The following MVB12B variants were observed in gnomAD, a reference collection of about 807,000 sequenced individuals.
The protein encoded by MVB12B is ESCRT-I complex subunit MVB12B.
A neutral mutation model predicts 41.6 loss-of-function variants in MVB12B; 16 were observed. The ratio of observed to expected loss-of-function variants is 0.38; its 90% CI spans 0.26 to 0.58. The LOEUF is 0.58. MVB12B is among the 20% of genes least tolerant of loss of function. The pLI, the probability that MVB12B is intolerant of heterozygous loss-of-function variation, is 0.62. For synonymous variants in MVB12B, 133 were observed against 139.7 expected (o/e 0.95, Z 0.34); for missense variants, 274 against 380.2 (o/e 0.72, Z 2.32).
chr9:126,365,664 G>A (rs2118907256), intron 2 of MVB12B, among the ~76,000 whole-genome samples: 1 of 152,230 alleles, frequency 6.6e-6, no homozygotes, highest in South Asian at 2.1e-4. Flanking sequence ...AGACCATGCA[G>A]TTGCTTATTA....
At position 126,389,904 on chromosome 9, in the gene MVB12B, G is replaced by C. The variant is rs1186163270; in HGVS notation, c.410-2162G>C. The stretch of plus-strand genomic sequence containing the variant: ...GTTGTTTCTCTCTGCTCGTAGATCT[G>C]CTCTAGCCCTCAGTTTCTGTGCCTG... On this transcript the variant is annotated intron_variant, in intron 4 of 9. Coordinates refer to ENST00000361171, the MANE Select transcript of MVB12B (RefSeq NM_033446.3). This position sits in a 1 kb window ranked among gnomAD's most constrained non-coding sequence, Gnocchi z 4.4. 6.6e-6 allele frequency among the ~76,000 whole-genome samples: 1 copy of C among 152,088 alleles called. No homozygotes were observed. The highest frequency in any genetic ancestry group is 1.5e-5 in the Non-Finnish European group (1 of 68,028).
intron 2 of MVB12B, among the ~76,000 whole-genome samples, chr9:126,342,587 C>T (rs1164913162): frequency 6.6e-6 from 1 of 152,156 alleles, no homozygotes; most frequent in Non-Finnish European, 1.5e-5. Context: ...AGCTCATCCG[C>T]CCGGTAATTA....
intron 2 of MVB12B, among the ~76,000 whole-genome samples, chr9:126,379,517 C>G (rs1830578796): frequency 6.6e-6 from 1 of 152,210 alleles, no homozygotes; most frequent in African/African-American, 2.4e-5. Context: ...GATCGTGTTT[C>G]TATCTGTGGG....
At chr9:126,331,874 C>G (rs1371395697) in intron 1 of MVB12B, among the ~76,000 whole-genome samples, 1 of 152,190 alleles carries the variant, frequency 6.6e-6, no homozygotes, top group Non-Finnish European at 1.5e-5. Flanking sequence ...GAGAAATGTT[C>G]AGTTGCAGGT....
At chr9:126,427,962 T>A (rs913702404) in intron 7 of MVB12B, among the ~76,000 whole-genome samples, 2 of 152,262 alleles carry the variant, frequency 1.3e-5, no homozygotes, top group East Asian at 1.9e-4. Flanking sequence ...TTTTCTTTTT[T>A]TTTTTTTGCT....
chr9:126,457,011 A>T (rs1832997569), intron 7 of MVB12B, among the ~76,000 whole-genome samples: 1 of 152,004 alleles, frequency 6.6e-6, no homozygotes, highest in African/African-American at 2.4e-5. Flanking sequence ...CCAGATCTTC[A>T]GCTCTCACCA....
At chr9:126,359,761 T>C (rs1829979337) in intron 2 of MVB12B, among the ~76,000 whole-genome samples, 1 of 152,310 alleles carries the variant, frequency 6.6e-6, no homozygotes, top group African/African-American at 2.4e-5. Flanking sequence ...ATAATGGTAA[T>C]TGGTGTCATC....
chr9:126,489,873 C>G (rs932051105), intron 9 of MVB12B, among the ~76,000 whole-genome samples: 2 of 152,190 alleles, frequency 1.3e-5, no homozygotes, highest in African/African-American at 4.8e-5. Context: ...CAGTGGCAGC[C>G]TCGTGGCCAC....
intron 1 of MVB12B, 146 bp downstream of exon 1, chr9:126,327,156 C>T: frequency 2.8e-6 from 2 of 705,798 alleles, no homozygotes; most frequent in South Asian, 1.2e-4. Context: ...CCGTGCCCGG[C>T]CCGCGGCGGG....
In MVB12B at chr9:126,482,375, C is replaced by T. The variant is rs141288163; in HGVS notation, c.813+951C>T. On this transcript the variant is annotated intron_variant, in intron 8 of 9. Coordinates refer to ENST00000361171, the MANE Select transcript of MVB12B (RefSeq NM_033446.3). ...TAAAACCACCCGGCTTGCGATTTGA[C>T]CTGCTCTGTAGTTTCCATTTTCGTG... 3.8e-3 allele frequency among the ~76,000 whole-genome samples: 586 copies of T among 152,370 alleles called. 3 individuals are homozygous for T. Among genetic ancestry groups the T allele is most frequent in the African/African-American group, 0.014 (562 of 41,592 alleles).
At chr9:126,399,671 G>A (rs1831214606) in intron 6 of MVB12B, among the ~76,000 whole-genome samples, 1 of 152,190 alleles carries the variant, frequency 6.6e-6, no homozygotes, top group East Asian at 1.9e-4. Flanking sequence ...ACAACCGCTG[G>A]AGCACCAGAA....
intron 7 of MVB12B, among the ~76,000 whole-genome samples, chr9:126,429,886 C>T (rs372242844): frequency 1.3e-4 from 20 of 152,278 alleles, no homozygotes; most frequent in Admixed American, 1.1e-3. Flanking sequence ...GAACCCTGAG[C>T]TGGGCTCTGG....
intron 7 of MVB12B, among the ~76,000 whole-genome samples, chr9:126,461,945 G>C (rs922736457): frequency 1.3e-5 from 2 of 152,246 alleles, no homozygotes; most frequent in African/African-American, 4.8e-5. Context: ...TCATTTCCCT[G>C]ACGTTACCAT....
chr9:126,365,844 G>A (rs944114000), intron 2 of MVB12B, among the ~76,000 whole-genome samples: 1 of 152,150 alleles, frequency 6.6e-6, no homozygotes, highest in African/African-American at 2.4e-5. Flanking sequence ...CCTGTACTGG[G>A]TACTGCAAAC....
chr9:126,449,357 G>A (rs1228384332), intron 7 of MVB12B, among the ~76,000 whole-genome samples: 1 of 152,176 alleles, frequency 6.6e-6, no homozygotes, highest in Admixed American at 6.5e-5. Flanking sequence ...CATCCTGGCA[G>A]ATGGCAACGG....
Position 126,503,231 on chromosome 9 carries a change from C to A in MVB12B, c.928C>A (p.Pro310Thr). 2 of 1,550,570 alleles carry A rather than the reference C, an allele frequency of 1.3e-6. No individual in the cohort carries two copies. Among genetic ancestry groups the A allele is most frequent in the Non-Finnish European group, 1.7e-6 (2 of 1,146,968 alleles). Residue 310 changes from proline to threonine, a missense_variant, in exon 10 of 10, where the codon CCC (proline) becomes ACC (threonine). Pro to Thr is a conservative substitution (Grantham distance 38). Transcript: ENST00000361171. ...QSAAARLPPS[P>T]TRCQQIPQS ...CGCAGCCGCCAGGCTCCCGCCCAGC[C>A]CCACCAGGTGTCAGCAGATCCCGCA...
chr9:126,484,056 G>T, intron 9 of MVB12B, 24 bp downstream of exon 9: 1 of 1,612,480 alleles, frequency 6.2e-7, no homozygotes, highest in Non-Finnish European at 8.5e-7. Flanking sequence ...CAGGGGAGGG[G>T]AGGGCAGGCC....
At chr9:126,372,173 A>G (rs1830359057) in intron 2 of MVB12B, among the ~76,000 whole-genome samples, 1 of 152,198 alleles carries the variant, frequency 6.6e-6, no homozygotes, top group Admixed American at 6.5e-5. Context: ...TATTTAGCAA[A>G]CTGTTTTCAG....
At position 126,376,437 on chromosome 9, in the gene MVB12B, G is replaced by A. The variant is rs933104135; in HGVS notation, c.205-4627G>A. 8.7e-7 allele frequency: 1 copy of A among 1,155,764 alleles called. No individual in the cohort carries two copies. Among genetic ancestry groups the A allele is most frequent in the African/African-American group, 1.6e-5 (1 of 63,210 alleles). 71.6% of individuals were successfully genotyped at this position (1,155,764 alleles called of 1,614,324 possible). On this transcript the variant is annotated intron_variant, in intron 2 of 9. Coordinates refer to ENST00000361171, the MANE Select transcript of MVB12B (RefSeq NM_033446.3). This position sits in a 1 kb window ranked among gnomAD's most constrained non-coding sequence, Gnocchi z 4.1. ...CCTGGTGACCCTTTGTTGTGGGTTG[G>A]GATTTAAGATGGAGGCACCAGCTCA...
Sources: gnomAD v4.1 joint callset for allele counts (sites outside exome capture counted in the v4.1 genomes callset) on GRCh38, gnomAD v4.1.1 for gene constraint, Gnocchi (gnomAD v3.1) non-coding constraint, MANE v1.5 for transcripts, NCBI Gene and HGNC (gene_info 2026-07-23, HGNC 2026-07-21) for gene names.